MIPOL1: variants seen among roughly 807,000 people sequenced by gnomAD.
MIPOL1 encodes the protein mirror-image polydactyly gene 1 protein.
In MIPOL1, 57 loss-of-function variants were observed where a neutral mutation model predicts 60.9. The ratio of observed to expected loss-of-function variants is 0.94; its 90% CI spans 0.76 to 1.17. The LOEUF (loss-of-function observed/expected upper bound fraction) is 1.17, where lower values mean the gene tolerates loss of function less well. Among genes scored for constraint, MIPOL1 ranks in the 50% most tolerant of loss-of-function variants. The pLI is 0.00. For synonymous variants in MIPOL1, 179 were observed against 168.8 expected (o/e 1.06, Z -0.47); for missense variants, 551 against 511.6 (o/e 1.08, Z -0.74).
At chr14:37,366,692 A>C (rs2092481357) in intron 9 of MIPOL1, among the ~76,000 whole-genome samples, 2 of 151,966 alleles carry the variant, frequency 1.3e-5, no homozygotes, top group South Asian at 4.1e-4. Flanking sequence ...ATTCAGTCCG[A>C]AGTTTCTTTG....
At chr14:37,261,059 T>C (rs1408547643) in intron 3 of MIPOL1, among the ~76,000 whole-genome samples, 1 of 152,076 alleles carries the variant, frequency 6.6e-6, no homozygotes, top group Admixed American at 6.6e-5. Context: ...CAAAGTTGTA[T>C]TATTTCTGTA....
chr14:37,433,286 A>G (rs1159357958), intron 11 of MIPOL1, among the ~76,000 whole-genome samples: 1 of 151,910 alleles, frequency 6.6e-6, no homozygotes, highest in Non-Finnish European at 1.5e-5. Flanking sequence ...TTTGTTACAC[A>G]GGTATACATG....
chr14:37,331,330 T>C (rs1383634106), intron 9 of MIPOL1, among the ~76,000 whole-genome samples: 1 of 152,130 alleles, frequency 6.6e-6, no homozygotes, highest in Non-Finnish European at 1.5e-5. Flanking sequence ...GCATTGAATC[T>C]GTAGGTTGCT....
At chr14:37,491,170 G>A (rs1343817243) in intron 11 of MIPOL1, among the ~76,000 whole-genome samples, 1 of 152,138 alleles carries the variant, frequency 6.6e-6, no homozygotes, top group Non-Finnish European at 1.5e-5. Flanking sequence ...GAAGCACACA[G>A]TATACTCTTA....
chr14:37,355,938 C>A (rs867772353), intron 9 of MIPOL1, among the ~76,000 whole-genome samples: 1 of 145,500 alleles, frequency 6.9e-6, no homozygotes, highest in Non-Finnish European at 1.5e-5. Context: ...AGCTTTGTTC[C>A]GTTGCTGGTG....
chr14:37,514,853 T>C (rs1442398858), intron 12 of MIPOL1, among the ~76,000 whole-genome samples: 1 of 152,130 alleles, frequency 6.6e-6, no homozygotes, highest in East Asian at 1.9e-4. Flanking sequence ...TAAAATCTTA[T>C]TTCACAGTTG....
chr14:37,453,977 C>A (rs763531542), intron 11 of MIPOL1, among the ~76,000 whole-genome samples: 3 of 152,004 alleles, frequency 2.0e-5, no homozygotes, highest in Admixed American at 1.3e-4. Flanking sequence ...TCCATGTGTG[C>A]GATTTAAATA....
chr14:37,379,864 G>A (rs1210179677), intron 10 of MIPOL1, among the ~76,000 whole-genome samples: 1 of 152,058 alleles, frequency 6.6e-6, no homozygotes, highest in African/African-American at 2.4e-5. Flanking sequence ...AGAATGAAGA[G>A]TGTAACAAAT....
At chr14:37,360,223 A>G (rs1024988514) in intron 9 of MIPOL1, among the ~76,000 whole-genome samples, 7 of 152,112 alleles carry the variant, frequency 4.6e-5, no homozygotes, top group African/African-American at 1.7e-4. Context: ...TCGGTTTGCC[A>G]GTATTTTATT....
At chr14:37,389,225 G>C (rs1039174550) in intron 10 of MIPOL1, among the ~76,000 whole-genome samples, 1 of 149,360 alleles carries the variant, frequency 6.7e-6, no homozygotes, top group African/African-American at 2.5e-5. Context: ...AAGAATGAAG[G>C]GTGGTAAAAA....
chr14:37,235,272 A>T (rs752578933), intron 1 of MIPOL1, among the ~76,000 whole-genome samples: 1 of 152,194 alleles, frequency 6.6e-6, no homozygotes, highest in Non-Finnish European at 1.5e-5. Flanking sequence ...AATTCATTGA[A>T]TACAATGTAG....
intron 10 of MIPOL1, among the ~76,000 whole-genome samples, chr14:37,372,419 A>G (rs1044015483): frequency 6.6e-6 from 1 of 152,070 alleles, no homozygotes; most frequent in Non-Finnish European, 1.5e-5. Context: ...TTTGGTGATC[A>G]TTTATAAGCA....
intron 1 of MIPOL1, among the ~76,000 whole-genome samples, chr14:37,207,353 A>T (rs1298291731): frequency 2.0e-5 from 3 of 152,034 alleles, no homozygotes; most frequent in Non-Finnish European, 4.4e-5. Flanking sequence ...AGGCCTCTCG[A>T]TCCATGTGGA....
intron 9 of MIPOL1, among the ~76,000 whole-genome samples, chr14:37,323,130 T>A (rs1348690329): frequency 6.6e-6 from 1 of 152,156 alleles, no homozygotes; most frequent in Non-Finnish European, 1.5e-5. Flanking sequence ...AAATCTTTAA[T>A]CCATCTTGAG....
chr14:37,276,095 G>T (rs1285707777), intron 6 of MIPOL1, among the ~76,000 whole-genome samples: 1 of 150,972 alleles, frequency 6.6e-6, no homozygotes, highest in Non-Finnish European at 1.5e-5. Context: ...GTGTTTTTAA[G>T]TCTCTCCCTT....
intron 1 of MIPOL1, among the ~76,000 whole-genome samples, chr14:37,234,942 ATTTT>A (rs5807941): frequency 5.1e-5 from 6 of 116,830 alleles, no homozygotes; most frequent in African/African-American, 1.9e-4. Context: ...CGTACGGCTA[ATTTT>A]TTTTTTTTTT....
At chr14:37,256,135 A>G (rs1405269560) in intron 3 of MIPOL1, among the ~76,000 whole-genome samples, 1 of 151,902 alleles carries the variant, frequency 6.6e-6, no homozygotes, top group Admixed American at 6.6e-5. Context: ...TAGAAATATA[A>G]TCACATTCAA....
chr14:37,342,323 C>T (rs773395583), intron 9 of MIPOL1, among the ~76,000 whole-genome samples: 6 of 151,476 alleles, frequency 4.0e-5, no homozygotes, highest in African/African-American at 9.7e-5. Context: ...ATTGTGCCAT[C>T]GCCCTCCAGC....
chr14:37,414,240 C>G (rs928321127), intron 10 of MIPOL1, among the ~76,000 whole-genome samples: 2 of 152,132 alleles, frequency 1.3e-5, no homozygotes, highest in South Asian at 4.1e-4. Flanking sequence ...AATAGGCCAT[C>G]CATTATCAAT....
Sources: gnomAD v4.1 joint callset for allele counts (sites outside exome capture counted in the v4.1 genomes callset) on GRCh38, gnomAD v4.1.1 for gene constraint, MANE v1.5 for transcripts, NCBI Gene and HGNC (gene_info 2026-07-23, HGNC 2026-07-21) for gene names.